Variants in ZNF605 observed in about 807,000 individuals in gnomAD.
ZNF605 encodes the protein zinc finger protein 605.
A neutral mutation model predicts 7.9 loss-of-function variants in ZNF605; 9 were observed. The observed-to-expected ratio is 1.14, with a 90% CI of 0.68 to 1.98. ZNF605 has a LOEUF of 1.98. ZNF605 is among the 30% of genes most tolerant of loss of function. The pLI is 0.00. For missense variants in ZNF605, 673 were observed against 762.4 expected (o/e 0.88, Z 1.38); for synonymous variants, 255 against 260.1 (o/e 0.98, Z 0.19).
At chr12:132,932,531 C>T (rs1044254064) in intron 4 of ZNF605, among the ~76,000 whole-genome samples, 3 of 152,082 alleles carry the variant, frequency 2.0e-5, no homozygotes, top group African/African-American at 7.2e-5. Flanking sequence ...AGACACATCC[C>T]GATGTGGAGA....
At chr12:132,955,040 T>C (rs1952621129) in intron 1 of ZNF605, among the ~76,000 whole-genome samples, 2 of 151,908 alleles carry the variant, frequency 1.3e-5, no homozygotes, top group Non-Finnish European at 2.9e-5. Context: ...TATTCAGCTG[T>C]CAAATAAAAC....
Position 132,945,764 on chromosome 12 carries a change from TC to T in ZNF605, c.-130del. ...GTCTTGTGGGCTCTTCTTTCTTATCTCACATGAATTGTCTTGTTCCAGAGGG... is the reference window on the plus strand; with the variant it reads ...GTCTTGTGGGCTCTTCTTTCTTATCTACATGAATTGTCTTGTTCCAGAGGG... On this transcript the variant is annotated 5_prime_UTR_variant, in exon 3 of 5. The change abolishes the stop of an existing upstream ORF in the 5' untranslated region. Transcript: ENST00000360187. 2 of 1,329,516 alleles carry T rather than the reference TC, an allele frequency of 1.5e-6. No homozygotes were observed. Among genetic ancestry groups the T allele is most frequent in the African/African-American group, 1.4e-5 (1 of 69,138 alleles). The allele number at this position is 1,329,516 out of a possible 1,614,324, so 82.4% of individuals were successfully genotyped here.
In ZNF605 at chr12:132,924,275, A is replaced by G. The variant is rs1952227085; in HGVS notation, c.*1098T>C. The G allele has an allele frequency of 6.6e-6, 1 of 152,210 alleles. No individual in the cohort carries two copies. Among genetic ancestry groups the G allele is most frequent in the African/African-American group, 2.4e-5 (1 of 41,456 alleles). The allele number at this position is 152,210 out of a possible 1,614,324, so 9.4% of individuals were successfully genotyped here. On this transcript the variant is annotated 3_prime_UTR_variant, in exon 5 of 5. Coordinates refer to ENST00000360187, the MANE Select transcript of ZNF605 (RefSeq NM_183238.4). Reference sequence around the variant, plus strand: ...CTAGAGTTAATTAGCTGCACTACTAAAACAAAACCTTTCTGAGAATTCTAC... The same window carrying G: ...CTAGAGTTAATTAGCTGCACTACTAGAACAAAACCTTTCTGAGAATTCTAC...
rs1952250730 is a variant in ZNF605, at chr12:132,926,642, G to GT, written c.656dup (p.His219GlnfsTer17). ...TGCACCCATGCGGTTTTTCTCCTGA[G>GT]TGAGTTCTTTGATGAACCGTGAGCA... On this transcript the variant is annotated frameshift_variant, in exon 5 of 5. Coordinates refer to ENST00000360187, the MANE Select transcript of ZNF605 (RefSeq NM_183238.4). LOFTEE classifies it low-confidence loss of function (END_TRUNC). 6.2e-7 allele frequency: 1 copy of GT among 1,614,016 alleles called. No homozygotes were observed. The highest frequency in any genetic ancestry group is 1.7e-5 in the Admixed American group (1 of 59,996).
At chr12:132,953,764 C>T (rs1362360620) in intron 1 of ZNF605, among the ~76,000 whole-genome samples, 2 of 151,978 alleles carry the variant, frequency 1.3e-5, no homozygotes, top group Non-Finnish European at 2.9e-5. Context: ...CCGCAAATGG[C>T]AAACAAACTC....
intron 2 of ZNF605, among the ~76,000 whole-genome samples, chr12:132,946,954 G>GA (rs1211506693): frequency 2.0e-5 from 3 of 152,172 alleles, no homozygotes; most frequent in South Asian, 2.1e-4. Context: ...TTAAAAGGAG[G>GA]AAAAAATCCC....
chr12:132,948,372 C>T (rs1227240815), intron 1 of ZNF605, 102 bp from the exon 2 acceptor site: 1 of 152,230 alleles, frequency 6.6e-6, no homozygotes. Flanking sequence ...GTTTGTCCAG[C>T]ACTTGCCATC....
intron 1 of ZNF605, among the ~76,000 whole-genome samples, chr12:132,953,788 G>C (rs1321185840): frequency 6.6e-6 from 1 of 151,890 alleles, no homozygotes; most frequent in Non-Finnish European, 1.5e-5. Flanking sequence ...GGCTCCCCAG[G>C]CTTCCCTCTC....
rs1952241784 is a variant in ZNF605, at chr12:132,925,910, G to T, written c.1389C>A (p.Ser463Arg). 6.2e-7 allele frequency: 1 copy of T among 1,613,944 alleles called. No homozygotes were observed. Among genetic ancestry groups the T allele is most frequent in the Non-Finnish European group, 8.5e-7 (1 of 1,180,008 alleles). Residue 463 changes from serine (S) to arginine (R), a missense_variant, in exon 5 of 5, where the codon AGC becomes AGA. Coordinates refer to ENST00000360187, the MANE Select transcript of ZNF605 (RefSeq NM_183238.4). Reference sequence around the variant, plus strand: ...TATGTGTTCTCTGATGTGATATCAGGCTTGACTTCTGGGTGAAGGCCTTCC... The same window carrying T: ...TATGTGTTCTCTGATGTGATATCAGTCTTGACTTCTGGGTGAAGGCCTTCC... ...ECGKAFTQKSSLISHQRTHTG... is the reference protein window; with the variant it reads ...ECGKAFTQKSRLISHQRTHTG...
Position 132,926,546 on chromosome 12 carries a change from C to T in ZNF605, c.753G>A (p.Lys251=). ...TTCCACATTCACTGCATCCATACGG[C>T]TTCTCTCCAGTATGAATTCTCTGAT... ...ILHQRIHTGE[K]PYGCSECGKA... Residue 251 remains lysine (K), a synonymous_variant, in exon 5 of 5, where the codon AAG becomes AAA. Transcript: ENST00000360187. The T allele has an allele frequency of 1.9e-6, 3 of 1,614,196 alleles. No individual in the cohort carries two copies. The highest frequency in any genetic ancestry group is 2.5e-6 in the Non-Finnish European group (3 of 1,180,036).
intron 3 of ZNF605, among the ~76,000 whole-genome samples, chr12:132,935,586 G>A (rs887483619): frequency 4.0e-5 from 6 of 151,798 alleles, no homozygotes; most frequent in African/African-American, 1.5e-4. Context: ...AAGAGAAACC[G>A]GAATGCACAC....
Position 132,955,299 on chromosome 12 carries a change from G to C in ZNF605, c.-286+944C>G, listed in dbSNP as rs1023971883. Among the ~76,000 whole-genome samples the C allele has an allele frequency of 5.9e-5, 9 of 152,314 alleles. No individual in the cohort carries two copies. The Middle Eastern group carries it at 0.01, about 173-fold the overall frequency. ...TGCGGGCGACCAGACAGCAGAGCGG[G>C]GAAAGCTTGACCCTGAGCCAGCCTG... On this transcript the variant is annotated intron_variant, in intron 1 of 4. Transcript: ENST00000360187.
chr12:132,931,655 G>C (rs1177785551), intron 4 of ZNF605, among the ~76,000 whole-genome samples: 4 of 152,158 alleles, frequency 2.6e-5, no homozygotes, highest in African/African-American at 9.7e-5. Flanking sequence ...AGCTCAAATG[G>C]AGTTAATAAT....
chr12:132,945,234 G>T, intron 3 of ZNF605: 2 of 639,446 alleles, frequency 3.1e-6, no homozygotes, highest in Non-Finnish European at 5.5e-6. Context: ...AAAGGGCTGG[G>T]ATTACAGGCA....
chr12:132,939,728 A>G (rs7972043), intron 3 of ZNF605, among the ~76,000 whole-genome samples: 4 of 152,148 alleles, frequency 2.6e-5, no homozygotes, highest in Admixed American at 6.6e-5. Context: ...CCTCTTCCAC[A>G]CTGTGCAGGC....
chr12:132,936,775 C>A (rs1952371206), intron 3 of ZNF605, among the ~76,000 whole-genome samples: 1 of 139,504 alleles, frequency 7.2e-6, no homozygotes, highest in African/African-American at 2.5e-5. Flanking sequence ...AGAAGAAAAC[C>A]AAAGAAAACC....
intron 2 of ZNF605, among the ~76,000 whole-genome samples, chr12:132,947,311 G>A (rs942837738): frequency 6.1e-5 from 9 of 146,844 alleles, no homozygotes; most frequent in East Asian, 2.0e-4. Context: ...CACCACGCCC[G>A]GCCACATTTT....
Position 132,945,739 on chromosome 12 carries a change from G to A in ZNF605, c.-104C>T. ...TCTGTAAACTGAGAATACATCCTTGGTCTTGTGGGCTCTTCTTTCTTATCT... is the reference window on the plus strand; with the variant it reads ...TCTGTAAACTGAGAATACATCCTTGATCTTGTGGGCTCTTCTTTCTTATCT... On this transcript the variant is annotated 5_prime_UTR_variant, in exon 3 of 5. Coordinates refer to ENST00000360187, the MANE Select transcript of ZNF605 (RefSeq NM_183238.4). 1 of 1,528,000 alleles carries A rather than the reference G, an allele frequency of 6.5e-7. No homozygotes were observed. The highest frequency in any genetic ancestry group is 9.1e-7 in the Non-Finnish European group (1 of 1,101,860). The allele number at this position is 1,528,000 out of a possible 1,614,324, so 94.7% of individuals were successfully genotyped here. A position where few individuals can be genotyped will look rare whatever the true frequency, so the allele number is the denominator to read the frequency against.
intron 3 of ZNF605, among the ~76,000 whole-genome samples, chr12:132,939,699 A>C (rs2137145630): frequency 6.6e-6 from 1 of 152,364 alleles, no homozygotes; most frequent in African/African-American, 2.4e-5. Flanking sequence ...CCGAGCCAGC[A>C]GTGGCAACCC....
Sources: gnomAD v4.1 joint callset for allele counts (sites outside exome capture counted in the v4.1 genomes callset) on GRCh38, gnomAD v4.1.1 for gene constraint, MANE v1.5 for transcripts, NCBI Gene and HGNC (gene_info 2026-07-23, HGNC 2026-07-21) for gene names.